The following FKBP15 variants were observed in gnomAD, a reference collection of about 807,000 sequenced individuals.
FKBP15 encodes the protein FK506-binding protein 15.
Under a neutral mutation model 158.1 loss-of-function variants are expected in FKBP15, and 106 were observed. The ratio of observed to expected loss-of-function variants is 0.67; its 90% confidence interval spans 0.57 to 0.79. The LOEUF is 0.79. FKBP15 is among the 30% of genes least tolerant of loss of function. FKBP15 has a pLI of 0.00. For synonymous variants in FKBP15, 547 were observed against 548.6 expected (o/e 1.00, Z 0.04); for missense variants, 1,287 against 1,479.1 (o/e 0.87, Z 2.13).
chr9:113,200,646 T>C (rs1039916875), intron 6 of FKBP15, among the ~76,000 whole-genome samples: 1 of 152,156 alleles, frequency 6.6e-6, no homozygotes, highest in Non-Finnish European at 1.5e-5. Flanking sequence ...AAAAGCAATA[T>C]AGTATGAAAG....
chr9:113,202,603 A>G lies in FKBP15; in HGVS notation c.426T>C (p.Phe142=). ...LMVRPNNYST[F]YDDQRQNWSI... is the part of the protein sequence containing the mutation. The stretch of plus-strand genomic sequence containing the variant: ...ACCAGTTCTGTCTCTGGTCATCATA[A>G]AAGGTGCTATAGTTATTGGGCCGAA... The change falls in exon 6 of 28, where the codon TTT becomes TTC. Residue 142 remains phenylalanine, a synonymous_variant. Transcript: ENST00000238256. The G allele has an allele frequency of 6.3e-7, 1 of 1,576,848 alleles. No homozygotes were observed.
rs60632559 is a variant in FKBP15 at position 113,162,172 on chromosome 9, C to T, written c.*3906G>A. 9.4e-3 allele frequency: 2,926 copies of T among 309,702 alleles called. 94 individuals are homozygous for T. The highest frequency in any genetic ancestry group is 0.061 in the African/African-American group (2,737 of 44,536). 19.2% of individuals were successfully genotyped at this position (309,702 alleles called of 1,614,324 possible). ...CCCTGTTCTGCCCTCTGTCCAGCCC[C>T]AGCCTCACCTGTGCTTAATAAGCCT... On this transcript the variant is annotated 3_prime_UTR_variant, in exon 28 of 28. Transcript: ENST00000238256.
rs763668682 is a variant in FKBP15, at chr9:113,173,581, G to T, written c.2404C>A (p.Gln802Lys). 6.8e-6 allele frequency: 11 copies of T among 1,613,806 alleles called. No individual in the cohort carries two copies. The East Asian group carries it at 2.4e-4, about 36-fold the overall frequency. ...EQLSLVQAELQTQWEAKCEHL... is the reference protein window; with the variant it reads ...EQLSLVQAELKTQWEAKCEHL... ...TCACATTTTGCTTCCCACTGGGTCT[G>T]TAGCTCAGCCTGTACTAAAGACAGC... The change falls in exon 23 of 28, where the codon CAG becomes AAG. Residue 802 changes from glutamine to lysine, a missense_variant. Coordinates refer to ENST00000238256, the MANE Select transcript of FKBP15 (RefSeq NM_015258.2).
chr9:113,195,601 A>G (rs1830661492), intron 9 of FKBP15, among the ~76,000 whole-genome samples: 1 of 152,220 alleles, frequency 6.6e-6, no homozygotes, highest in Admixed American at 6.5e-5. Flanking sequence ...GAAGGGAAGC[A>G]CATCCTTTCT....
rs889586028 is a variant in FKBP15 at position 113,221,128 on chromosome 9, C to T, written c.53+63G>A. ...AAAGGCCTGAGAAGAGATCGACCCCCCTCCAACAATCCGCCGGTATCTCTC... is the reference window on the plus strand; with the variant it reads ...AAAGGCCTGAGAAGAGATCGACCCCTCTCCAACAATCCGCCGGTATCTCTC... On this transcript the variant is annotated intron_variant, in intron 1 of 27. Coordinates refer to ENST00000238256, the MANE Select transcript of FKBP15 (RefSeq NM_015258.2). 5.3e-6 allele frequency: 8 copies of T among 1,518,564 alleles called. No homozygotes were observed. The African/African-American group carries it at 1.1e-4, about 21-fold the overall frequency. 94.1% of individuals were successfully genotyped at this position (1,518,564 alleles called of 1,614,324 possible).
chr9:113,171,620 C>A lies in FKBP15; in HGVS notation c.2619G>T (p.Met873Ile). ...CAGATGCAGCAGCTTCAACCCCAGA[C>A]ATCTGGGACTTGTTCTTCTCTAGTT... ...IKELEKNKSQ[M>I]SGVEAAASDP... is the part of the protein sequence containing the mutation. Residue 873 changes from methionine to isoleucine, a missense_variant, in exon 24 of 28, where the codon ATG (methionine) becomes ATT (isoleucine). Physicochemically the swap from Met to Ile is conservative, Grantham distance 10 (BLOSUM62 1). Transcript: ENST00000238256. 1 of 1,606,234 alleles carries A rather than the reference C, an allele frequency of 6.2e-7. No individual in the cohort carries two copies. The highest frequency in any genetic ancestry group is 8.5e-7 in the Non-Finnish European group (1 of 1,176,124).
chr9:113,206,241 A>G, intron 4 of FKBP15: 3 of 497,284 alleles, frequency 6.0e-6, no homozygotes, highest in Non-Finnish European at 1.1e-5. Context: ...TTGAACAACA[A>G]ACAAACAAAA....
At chr9:113,214,297 G>T (rs981101733) in intron 1 of FKBP15, among the ~76,000 whole-genome samples, 3 of 152,206 alleles carry the variant, frequency 2.0e-5, no homozygotes, top group African/African-American at 7.2e-5. Flanking sequence ...GCTTAGCCAT[G>T]AAATGTATTT....
intron 4 of FKBP15, among the ~76,000 whole-genome samples, chr9:113,205,210 T>C (rs980075009): frequency 2.6e-5 from 4 of 152,218 alleles, no homozygotes; most frequent in Admixed American, 6.5e-5. Flanking sequence ...TTAAAAACTT[T>C]TGTACATCAA....
chr9:113,207,100 G>A (rs921255385), intron 3 of FKBP15, 112 bp downstream of exon 3: 6 of 787,490 alleles, frequency 7.6e-6, no homozygotes, highest in African/African-American at 3.6e-5. Flanking sequence ...TATTTTGTCC[G>A]TGGAAGGGCT....
At position 113,206,542 on chromosome 9, in the gene FKBP15, A is replaced by G. The variant is rs1319778416; in HGVS notation, c.291T>C (p.Gly97=). 2 of 1,613,850 alleles carry G rather than the reference A, an allele frequency of 1.2e-6. No homozygotes were observed. Among genetic ancestry groups the G allele is most frequent in the East Asian group, 2.2e-5 (1 of 44,900 alleles). The change falls in exon 4 of 28, where the codon GGT becomes GGC. Residue 97 remains glycine (G), a synonymous_variant. Transcript: ENST00000238256. ...NGQYVKQGKF[G]AAVLGNHTAR... is the part of the protein sequence containing the mutation. Reference sequence around the variant, plus strand: ...CTGTGTGGTTCCCCAGAACTGCAGCACCAAATTTGCCCTGCTTTACATATT... The same window carrying G: ...CTGTGTGGTTCCCCAGAACTGCAGCGCCAAATTTGCCCTGCTTTACATATT...
rs536191270 is a variant in FKBP15, at chr9:113,199,264, C to T, written c.649-341G>A. 5.3e-5 allele frequency among the ~76,000 whole-genome samples: 8 copies of T among 152,254 alleles called. 1 individual carries two copies. In the South Asian group the frequency reaches 1.5e-3, roughly 28 times the overall value. On this transcript the variant is annotated intron_variant, in intron 7 of 27. Transcript: ENST00000238256. ...GAGTAAGCAGAGCAAGATCATTAGC[C>T]TCCATTCACAAATGGAAAAAAATAA...
chr9:113,204,992 A>C (rs28887481), intron 4 of FKBP15, among the ~76,000 whole-genome samples: 32,121 of 152,046 alleles, frequency 0.21, 3,837 homozygotes, highest in African/African-American at 0.3. Context: ...TATTAGTTAC[A>C]TTTTCCCACC....
chr9:113,166,061 A>G lies in FKBP15; in HGVS notation c.*17T>C, dbSNP rs768396757. On this transcript the variant is annotated 3_prime_UTR_variant, in exon 28 of 28. Coordinates refer to ENST00000238256, the MANE Select transcript of FKBP15 (RefSeq NM_015258.2). ...GGAAGGGTTGCAGAGAAACCTTTGC[A>G]CCAGTTTCCTGGGTCTTCATCCCAG... The G allele has an allele frequency of 6.2e-7, 1 of 1,610,928 alleles. No individual in the cohort carries two copies.
chr9:113,213,151 G>T (rs962816888), intron 1 of FKBP15, among the ~76,000 whole-genome samples: 1 of 152,168 alleles, frequency 6.6e-6, no homozygotes, highest in African/African-American at 2.4e-5. Flanking sequence ...GCTCATACCC[G>T]TAATCCCAGC....
chr9:113,162,955 A>C lies in FKBP15; in HGVS notation c.*3123T>G. 1.3e-6 allele frequency: 2 copies of C among 1,538,544 alleles called. No homozygotes were observed. The highest frequency in any genetic ancestry group is 1.8e-6 in the Non-Finnish European group (2 of 1,139,620). On this transcript the variant is annotated 3_prime_UTR_variant, in exon 28 of 28. Coordinates refer to ENST00000238256, the MANE Select transcript of FKBP15 (RefSeq NM_015258.2). ...GTGCAGGCACTGAGGCTGGAGGGAC[A>C]TGGAGCCCCCTCTTCCAGACACTAT...
intron 26 of FKBP15, 150 bp downstream of exon 26, chr9:113,169,074 T>G: frequency 3.8e-6 from 4 of 1,064,744 alleles, no homozygotes; most frequent in Non-Finnish European, 3.8e-6. Context: ...GCCTTGTACA[T>G]GGTAGGTGTT....
chr9:113,169,773 G>C lies in FKBP15; in HGVS notation c.2936C>G (p.Ser979Cys). The change falls in exon 26 of 28, where the codon TCC (serine) becomes TGC (cysteine). Residue 979 changes from serine to cysteine, a missense_variant. Ser to Cys is a moderately radical substitution (Grantham distance 112, BLOSUM62 -1). Transcript: ENST00000238256. ...QAPLNRERPE[S>C]PMVPSEQVVE... ...CACCTGCTCTGAGGGCACCATGGGG[G>C]ACTCTGGCCTCTCCCTATTCAGGGG... 1 of 1,602,866 alleles carries C rather than the reference G, an allele frequency of 6.2e-7. No homozygotes were observed. The highest frequency in any genetic ancestry group is 1.7e-5 in the Admixed American group (1 of 58,254).
chr9:113,194,152 A>G lies in FKBP15; in HGVS notation c.882T>C (p.Asp294=). The change falls in exon 10 of 28, where the codon GAT becomes GAC. Residue 294 remains aspartate, a synonymous_variant. Transcript: ENST00000238256. ...VEVRRVKFAR[D]SGSDGHSVSS... ...TAACACTGTGACCATCAGAGCCAGA[A>G]TCTCTGGCAAACTTCACCTAAGGAA... 6.2e-7 allele frequency: 1 copy of G among 1,611,020 alleles called. No homozygotes were observed. Among genetic ancestry groups the G allele is most frequent in the South Asian group, 1.1e-5 (1 of 90,824 alleles).
Sources: allele counts gnomAD v4.1 joint callset (sites outside exome capture counted in the v4.1 genomes callset), GRCh38; gene constraint gnomAD v4.1.1; transcripts MANE v1.5; gene names NCBI Gene and HGNC (gene_info 2026-07-23, HGNC 2026-07-21).